RORB: variants seen among roughly 807,000 people sequenced by gnomAD.
RORB encodes RAR related orphan receptor B, also known as nuclear receptor ROR-beta.
RORB carries 6 observed loss-of-function variants against 59.1 expected under a neutral mutation model. That is an observed-to-expected ratio of 0.10 (90% CI 0.06 to 0.20). The LOEUF (loss-of-function observed/expected upper bound fraction) is 0.20, where lower values mean the gene tolerates loss of function less well. Among genes scored for constraint, RORB ranks in the 10% least tolerant of loss-of-function variants. The pLI, the probability that RORB is intolerant of heterozygous loss-of-function variation, is 1.00. For missense variants in RORB, 320 were observed against 560.5 expected (o/e 0.57, Z 4.33); for synonymous variants, 215 against 204.5 (o/e 1.05, Z -0.44).
chr9:74,647,698 A>C (rs1307555896), intron 4 of RORB, among the ~76,000 whole-genome samples: 1 of 152,258 alleles, frequency 6.6e-6, no homozygotes, highest in East Asian at 1.9e-4. Context: ...ACAGAAACTG[A>C]GTATTAATAG....
chr9:74,523,541 A>T (rs1206608739), intron 1 of RORB, among the ~76,000 whole-genome samples: 2 of 151,942 alleles, frequency 1.3e-5, no homozygotes, highest in African/African-American at 4.8e-5. Context: ...ATTTAAAAGT[A>T]TGATTGTCCC....
At chr9:74,653,581 A>G (rs1485668110) in intron 4 of RORB, among the ~76,000 whole-genome samples, 1 of 152,182 alleles carries the variant, frequency 6.6e-6, no homozygotes, top group Non-Finnish European at 1.5e-5. Context: ...TACGAAGTTC[A>G]GGAGCAACAC....
At chr9:74,509,417 A>AT (rs1345872912) in intron 1 of RORB, among the ~76,000 whole-genome samples, 2 of 151,930 alleles carry the variant, frequency 1.3e-5, no homozygotes, top group Non-Finnish European at 1.5e-5. Flanking sequence ...ATATTTATGG[A>AT]TTTTTTTCCT....
chr9:74,575,418 T>C (rs1044726596), intron 1 of RORB, among the ~76,000 whole-genome samples: 3 of 152,090 alleles, frequency 2.0e-5, no homozygotes, highest in Non-Finnish European at 4.4e-5. Flanking sequence ...ACTGCCATTC[T>C]CTTCACCTGA....
chr9:74,618,186 A>G (rs1438297201), intron 1 of RORB, among the ~76,000 whole-genome samples: 1 of 152,076 alleles, frequency 6.6e-6, no homozygotes, highest in Non-Finnish European at 1.5e-5. Context: ...CCTATATTCT[A>G]TAGTTTGTGT....
intron 1 of RORB, among the ~76,000 whole-genome samples, chr9:74,615,065 A>C (rs1823290259): frequency 6.6e-6 from 1 of 152,168 alleles, no homozygotes; most frequent in Admixed American, 6.5e-5. Flanking sequence ...TGCTGTATTA[A>C]CTACTTCATA....
At chr9:74,664,329 C>A (rs568494209) in intron 6 of RORB, among the ~76,000 whole-genome samples, 97 of 152,284 alleles carry the variant, frequency 6.4e-4, no homozygotes, top group African/African-American at 2.2e-3. Flanking sequence ...TCAGATATAA[C>A]CAATCCATGG....
chr9:74,588,504 G>A (rs1174290004), intron 1 of RORB, among the ~76,000 whole-genome samples: 1 of 152,124 alleles, frequency 6.6e-6, no homozygotes, highest in Non-Finnish European at 1.5e-5. Flanking sequence ...CAAAGCTATT[G>A]ATGGAAATAA....
chr9:74,577,719 AC>A (rs2118246899), intron 1 of RORB, among the ~76,000 whole-genome samples: 1 of 152,184 alleles, frequency 6.6e-6, no homozygotes, highest in Admixed American at 6.6e-5. Context: ...ATTTAGCCTC[AC>A]TGATCCTCAG....
At position 74,582,069 on chromosome 9, in the gene RORB, G is replaced by A. The variant is rs187177390; in HGVS notation, c.8-48213G>A. Among the ~76,000 whole-genome samples, 317 of 152,262 alleles carry A rather than the reference G, an allele frequency of 2.1e-3. 1 individual carries two copies. Among genetic ancestry groups the A allele is most frequent in the African/African-American group, 7.5e-3 (310 of 41,552 alleles). On this transcript the variant is annotated intron_variant, in intron 1 of 9. Transcript: ENST00000376896. The stretch of plus-strand genomic sequence containing the variant: ...ATAAATATTCTATCATCTATTCAGT[G>A]TCTATTTATATCTCTTCTTGAAGTT...
chr9:74,684,520 G>A (rs1402984838), intron 9 of RORB, among the ~76,000 whole-genome samples: 4 of 151,878 alleles, frequency 2.6e-5, no homozygotes, highest in African/African-American at 4.9e-5. Context: ...TGATGGATTC[G>A]AAATGTGCCT....
chr9:74,528,916 C>T lies in RORB; in HGVS notation c.7+30933C>T, dbSNP rs567186577. Among the ~76,000 whole-genome samples, 8 of 152,092 alleles carry T rather than the reference C, an allele frequency of 5.3e-5. No homozygotes were observed. The South Asian group carries it at 1.7e-3, about 32-fold the overall frequency. On this transcript the variant is annotated intron_variant, in intron 1 of 9. Transcript: ENST00000376896. The stretch of plus-strand genomic sequence containing the variant: ...AGGTAGGTTAAATAACATTCCTAAG[C>T]TTGTGTACTCACTCAGTGAGTGTTG...
Position 74,634,787 on chromosome 9 carries a change from T to G in RORB, c.235+15T>G, listed in dbSNP as rs774384766. The G allele has an allele frequency of 6.2e-7, 1 of 1,606,542 alleles. No homozygotes were observed. The highest frequency in any genetic ancestry group is 1.1e-5 in the South Asian group (1 of 89,660). ...GTCAAGAGATGGTAAGACATTACCT[T>G]CCTGTTTCTTACTTAAGCCCTTTCA... On this transcript the variant is annotated intron_variant, in intron 3 of 9. Transcript: ENST00000376896.
Position 74,497,915 on chromosome 9 carries a change from C to T in RORB, c.-62C>T, listed in dbSNP as rs1418321184. 4.4e-6 allele frequency: 7 copies of T among 1,597,420 alleles called. No homozygotes were observed. The East Asian group carries it at 6.8e-5, about 15-fold the overall frequency. On this transcript the variant is annotated 5_prime_UTR_variant, in exon 1 of 10. Transcript: ENST00000376896. Reference sequence around the variant, plus strand: ...ACTCGTGCTGAGCGGGATTTTTGGGCTCTCCGGGGTTCGGGCTGGGAGCAG... The same window carrying T: ...ACTCGTGCTGAGCGGGATTTTTGGGTTCTCCGGGGTTCGGGCTGGGAGCAG...
chr9:74,549,610 AAGG>A lies in RORB; in HGVS notation c.7+51629_7+51631del, dbSNP rs1230753729. On this transcript the variant is annotated intron_variant, in intron 1 of 9. Transcript: ENST00000376896. The stretch of plus-strand genomic sequence containing the variant: ...GAAGGAAGGAAGGAAGGAAGGAAGA[AAGG>A]AAGGAAGGAAGGAAGAAAGGAAAGA... Among the ~76,000 whole-genome samples the A allele has an allele frequency of 6.4e-5, 6 of 93,518 alleles. No individual in the cohort carries two copies. The South Asian group carries it at 1.8e-3, about 29-fold the overall frequency. The allele number at this position is 93,518 out of a possible 152,430, so 61.4% of individuals were successfully genotyped here. A position where few individuals can be genotyped will look rare whatever the true frequency, so the allele number is the denominator to read the frequency against.
At chr9:74,611,437 G>A (rs12115373) in intron 1 of RORB, among the ~76,000 whole-genome samples, 5,714 of 152,196 alleles carry the variant, frequency 0.038, 296 homozygotes, top group African/African-American at 0.11. Flanking sequence ...AACAAAAAGA[G>A]GCAAGTGTTT....
intron 1 of RORB, among the ~76,000 whole-genome samples, chr9:74,549,457 AGAAAGAGAGAG>A (rs2118156231): frequency 7.3e-6 from 1 of 136,220 alleles, no homozygotes; most frequent in Admixed American, 7.4e-5. Flanking sequence ...AAAAAAAAGA[AGAAAGAGAGAG>A]AGAGAGAGGT....
chr9:74,500,310 C>T (rs555731819), intron 1 of RORB, among the ~76,000 whole-genome samples: 1 of 152,108 alleles, frequency 6.6e-6, no homozygotes, highest in Admixed American at 6.5e-5. Context: ...ATATTTTCCC[C>T]GGACAGTGCC....
intron 1 of RORB, 200 bp downstream of exon 1, chr9:74,498,183 C>A: frequency 1.6e-6 from 1 of 638,566 alleles, no homozygotes; most frequent in Non-Finnish European, 2.7e-6. Flanking sequence ...TTCGGGAGTT[C>A]TGGAGGGACG....
Sources: gnomAD v4.1 joint callset for allele counts (sites outside exome capture counted in the v4.1 genomes callset) on GRCh38, gnomAD v4.1.1 for gene constraint, MANE v1.5 for transcripts, NCBI Gene and HGNC (gene_info 2026-07-23, HGNC 2026-07-21) for gene names.